The following CSMD1 variants were observed in gnomAD, a reference collection of about 807,000 sequenced individuals.
The protein encoded by CSMD1 is CUB and sushi domain-containing protein 1.
A neutral mutation model predicts 417.5 loss-of-function variants in CSMD1; 213 were observed. The ratio of observed to expected loss-of-function variants is 0.51; its 90% CI spans 0.46 to 0.57. The LOEUF is 0.57. Ranked by LOEUF, CSMD1 falls within the 20% of genes least tolerant of loss-of-function variation. The probability of loss-of-function intolerance (pLI) is 0.00; values close to 1 mark genes in which losing one functional copy is unlikely to be tolerated. For synonymous variants in CSMD1, 2,862 were observed against 1,736.8 expected, an observed-to-expected ratio of 1.65 and a Z score of -16.11; for missense variants, 6,923 against 4,529.7, an observed-to-expected ratio of 1.53 and a Z score of -15.17.
At chr8:3,691,225 G>A (rs577765876) in intron 7 of CSMD1, among the ~76,000 whole-genome samples, 7 of 151,954 alleles carry the variant, frequency 4.6e-5, no homozygotes, top group Admixed American at 2.6e-4. Context: ...AAAATTAGCC[G>A]GGCACGGTAA....
intron 3 of CSMD1, among the ~76,000 whole-genome samples, chr8:4,163,152 G>C (rs1189247408): frequency 7.2e-5 from 11 of 152,190 alleles, no homozygotes; most frequent in Non-Finnish European, 1.6e-4. Flanking sequence ...CACTTTGGTT[G>C]CTTCCAGATT....
At chr8:4,387,171 T>A (rs1427674324) in intron 3 of CSMD1, among the ~76,000 whole-genome samples, 2 of 152,198 alleles carry the variant, frequency 1.3e-5, no homozygotes, top group Non-Finnish European at 2.9e-5. Flanking sequence ...GTTAACACAA[T>A]GCCATCTTGT....
intron 2 of CSMD1, among the ~76,000 whole-genome samples, chr8:4,634,438 A>T (rs564912766): frequency 6.6e-6 from 1 of 152,342 alleles, no homozygotes; most frequent in Non-Finnish European, 1.5e-5. Context: ...AAAATGCTCA[A>T]GTTGTTTAAC....
chr8:4,069,805 G>A (rs1387199788), intron 3 of CSMD1, among the ~76,000 whole-genome samples: 4 of 152,088 alleles, frequency 2.6e-5, no homozygotes, highest in Admixed American at 2.0e-4. Flanking sequence ...GTAATTACTC[G>A]ACAACTCACT....
intron 1 of CSMD1, among the ~76,000 whole-genome samples, chr8:4,744,292 C>T (rs1408119876): frequency 6.6e-6 from 1 of 152,086 alleles, no homozygotes; most frequent in African/African-American, 2.4e-5. Context: ...ATGTAACTTC[C>T]CTTCTTCCAT....
At chr8:4,825,796 GAAA>G (rs140684432) in intron 1 of CSMD1, among the ~76,000 whole-genome samples, 4 of 134,822 alleles carry the variant, frequency 3.0e-5, no homozygotes, top group African/African-American at 1.1e-4. Context: ...AAAAAAAAAA[GAAA>G]AAAAAAAGAA....
chr8:4,272,490 G>A (rs1003303286), intron 3 of CSMD1, among the ~76,000 whole-genome samples: 9 of 151,980 alleles, frequency 5.9e-5, no homozygotes, highest in Non-Finnish European at 8.8e-5. Context: ...AACTATACAC[G>A]ATCACAGTAT....
chr8:3,729,292 G>A (rs1221689178), intron 6 of CSMD1, among the ~76,000 whole-genome samples: 2 of 152,164 alleles, frequency 1.3e-5, no homozygotes, highest in African/African-American at 4.8e-5. Flanking sequence ...CTGGCACAGG[G>A]CTCGTGCAGG....
Position 3,530,121 on chromosome 8 carries a change from G to C in CSMD1, c.1345-36395C>G, listed in dbSNP as rs368812664. The stretch of plus-strand genomic sequence containing the variant: ...TCAATTTTATTGATCTTTTCAAAAA[G>C]CAACTTGGTTTAAGTTCATTTTCTC... On this transcript the variant is annotated intron_variant, in intron 10 of 69. Coordinates refer to ENST00000635120, the MANE Select transcript of CSMD1 (RefSeq NM_033225.6). 2.7e-4 allele frequency among the ~76,000 whole-genome samples: 41 copies of C among 152,148 alleles called. No individual in the cohort carries two copies. The East Asian group carries it at 7.5e-3, about 28-fold the overall frequency.
chr8:4,699,627 T>C (rs898619804), intron 1 of CSMD1, among the ~76,000 whole-genome samples: 1 of 152,302 alleles, frequency 6.6e-6, no homozygotes, highest in African/African-American at 2.4e-5. Flanking sequence ...TGTTGAGATA[T>C]GAAACCACAA....
chr8:3,895,884 A>C (rs757588702), intron 5 of CSMD1, among the ~76,000 whole-genome samples: 35 of 152,166 alleles, frequency 2.3e-4, no homozygotes, highest in Admixed American at 5.2e-4. Flanking sequence ...GGTTAACCTC[A>C]TCCCCTGAAA....
At chr8:4,630,214 C>A in intron 2 of CSMD1, among the ~76,000 whole-genome samples, 1 of 151,672 alleles carries the variant, frequency 6.6e-6, no homozygotes, top group East Asian at 1.9e-4. Flanking sequence ...CACAGAATTT[C>A]TAATTACTAG....
chr8:3,952,517 C>G (rs985323326), intron 5 of CSMD1, among the ~76,000 whole-genome samples: 2 of 152,062 alleles, frequency 1.3e-5, no homozygotes, highest in East Asian at 3.9e-4. Context: ...ATAAACAAAA[C>G]CTCCTTCAGG....
At chr8:4,379,850 G>A (rs75693045) in intron 3 of CSMD1, among the ~76,000 whole-genome samples, 8,684 of 152,264 alleles carry the variant, frequency 0.057, 660 homozygotes, top group African/African-American at 0.17. Context: ...ATCCCTGCTA[G>A]GAGACAGTGA....
chr8:4,348,581 G>T (rs1307519929), intron 3 of CSMD1, among the ~76,000 whole-genome samples: 1 of 138,720 alleles, frequency 7.2e-6, no homozygotes, highest in Non-Finnish European at 1.6e-5. Flanking sequence ...CTGTGTGTGT[G>T]TATGCATGTG....
intron 10 of CSMD1, among the ~76,000 whole-genome samples, chr8:3,569,758 C>A (rs1026592770): frequency 1.3e-5 from 2 of 152,168 alleles, no homozygotes; most frequent in East Asian, 3.8e-4. Context: ...TACTTAATGG[C>A]AATGGCTGCT....
intron 5 of CSMD1, among the ~76,000 whole-genome samples, chr8:3,902,109 G>A (rs1563193695): frequency 6.6e-6 from 1 of 152,112 alleles, no homozygotes; most frequent in Non-Finnish European, 1.5e-5. Context: ...TGAACACATT[G>A]CTAAGCCTTA....
At chr8:3,201,312 T>C (rs973327340) in intron 32 of CSMD1, among the ~76,000 whole-genome samples, 2 of 152,142 alleles carry the variant, frequency 1.3e-5, no homozygotes, top group African/African-American at 4.8e-5. Context: ...GGATACAAAA[T>C]TAAACACAGA....
chr8:3,160,011 C>T (rs575876430), intron 38 of CSMD1, among the ~76,000 whole-genome samples: 2 of 152,286 alleles, frequency 1.3e-5, no homozygotes, highest in Non-Finnish European at 2.9e-5. Flanking sequence ...ATGATATTTA[C>T]CTGATTTCAG....
Sources: allele counts gnomAD v4.1 joint callset (sites outside exome capture counted in the v4.1 genomes callset), GRCh38; gene constraint gnomAD v4.1.1; transcripts MANE v1.5; gene names NCBI Gene and HGNC (gene_info 2026-07-23, HGNC 2026-07-21).